The following NEK4 variants were observed in gnomAD, a reference collection of about 807,000 sequenced individuals.
NEK4 encodes the protein NIMA related kinase 4.
NEK4 carries 86 observed loss-of-function variants against 98.4 expected under a neutral mutation model. That is an observed-to-expected ratio of 0.87 (90% confidence interval 0.73 to 1.05). The LOEUF is 1.05. Among genes scored for constraint, NEK4 ranks in the 50% least tolerant of loss-of-function variants. The pLI, the probability that NEK4 is intolerant of heterozygous loss-of-function variation, is 0.00. For missense variants in NEK4, 898 were observed against 950.3 expected, an observed-to-expected ratio of 0.94 and a Z score of 0.72; for synonymous variants, 328 against 342.2, an observed-to-expected ratio of 0.96 and a Z score of 0.46.
chr3:52,746,073 C>T lies in NEK4; in HGVS notation c.1815G>A (p.Met605Ile), dbSNP rs756200197. 1.4e-5 allele frequency: 23 copies of T among 1,613,442 alleles called. No homozygotes were observed. Among genetic ancestry groups the T allele is most frequent in the African/African-American group, 2.7e-5 (2 of 74,918 alleles). Reference protein sequence around the residue: ...GSVSSSRSSEMSSSKDRPLSA... With the variant: ...GSVSSSRSSEISSSKDRPLSA... ...TGTTCCCACAAACCTTTGATGATGA[C>T]ATCTCACTGCTCCTTGAACTGCTCA... is the stretch of plus-strand genomic sequence containing the variant. Residue 605 changes from methionine (M) to isoleucine (I), a missense_variant, in exon 10 of 16, where the codon ATG (methionine) becomes ATA (isoleucine). Met to Ile is a conservative substitution (Grantham distance 10, BLOSUM62 1). Coordinates refer to ENST00000233027, the MANE Select transcript of NEK4 (RefSeq NM_003157.6).
Position 52,752,256 on chromosome 3 carries a change from G to A in NEK4, c.1044C>T (p.Thr348=). Residue 348 remains threonine (T), a synonymous_variant, in exon 7 of 16, where the codon ACC becomes ACT. Transcript: ENST00000233027. ...LKSPASLKAH[T]CKQDLSNTTE... The stretch of plus-strand genomic sequence containing the variant: ...TGGTATTGCTCAAGTCCTGTTTGCA[G>A]GTATGGGCTTTCAGACTGGCAGGTG... 5.0e-6 allele frequency: 8 copies of A among 1,614,176 alleles called. No individual in the cohort carries two copies. The highest frequency in any genetic ancestry group is 6.8e-6 in the Non-Finnish European group (8 of 1,180,032).
intron 15 of NEK4, 23 bp downstream of exon 15, chr3:52,737,563 G>A: frequency 6.2e-7 from 1 of 1,612,096 alleles, no homozygotes. Context: ...TAAGCATCTT[G>A]ATACAGTTAA....
At position 52,760,845 on chromosome 3, in the gene NEK4, C is replaced by G; in HGVS notation, c.913G>C (p.Val305Leu). Residue 305 changes from valine to leucine, a missense_variant, in exon 6 of 16, where the codon GTA (valine) becomes CTA (leucine). Physicochemically the swap from Val to Leu is conservative, Grantham distance 32. Transcript: ENST00000233027. ...GAAGAGAGTGGTTGGGGGTGGATTA[C>G]TTCATGATTTGATTCTGCCTCTCCA... is the stretch of plus-strand genomic sequence containing the variant. The part of the protein sequence containing the change: ...VSGEAESNHE[V>L]IHPQPLSSEG... 6.2e-7 allele frequency: 1 copy of G among 1,610,254 alleles called. No homozygotes were observed. The highest frequency in any genetic ancestry group is 8.5e-7 in the Non-Finnish European group (1 of 1,176,806).
At chr3:52,720,356 T>A (rs907243715) in intron 15 of NEK4, among the ~76,000 whole-genome samples, 2 of 151,440 alleles carry the variant, frequency 1.3e-5, no homozygotes, top group African/African-American at 4.9e-5. Context: ...AAAAAAAAAA[T>A]TTTAAGAAAT....
intron 15 of NEK4, among the ~76,000 whole-genome samples, chr3:52,725,001 C>T (rs189777523): frequency 7.9e-5 from 12 of 152,174 alleles, no homozygotes; most frequent in Admixed American, 7.2e-4. Context: ...TAAAGATAAA[C>T]AGATGGGCAA....
In NEK4 at chr3:52,731,871, G is replaced by A. The variant is rs561681818; in HGVS notation, c.2433+5715C>T. ...GTGTCGTGGGAGGGACCCGGCGGGA[G>A]GTAAGTGAATCATGGGGACGGGTTT... On this transcript the variant is annotated intron_variant, in intron 15 of 15. Transcript: ENST00000233027. Among the ~76,000 whole-genome samples, 7 of 152,338 alleles carry A rather than the reference G, an allele frequency of 4.6e-5. No individual in the cohort carries two copies. In the South Asian group the frequency reaches 1.4e-3, roughly 32 times the overall value.
intron 9 of NEK4, 36 bp downstream of exon 9, chr3:52,746,698 A>G (rs746349211): frequency 7.7e-6 from 12 of 1,561,174 alleles, no homozygotes; most frequent in East Asian, 6.8e-5. Flanking sequence ...TGAGTTTCCC[A>G]AAGTCCACCT....
intron 15 of NEK4, chr3:52,733,905 C>T (rs1036894372): frequency 3.5e-5 from 10 of 289,744 alleles, no homozygotes; most frequent in Admixed American, 9.0e-5. Context: ...TCATAGCTAA[C>T]ACAACATTGG....
At chr3:52,742,242 T>C (rs1363278670) in intron 12 of NEK4, among the ~76,000 whole-genome samples, 1 of 152,076 alleles carries the variant, frequency 6.6e-6, no homozygotes, top group African/African-American at 2.4e-5. Flanking sequence ...CTTTTTTTTT[T>C]TCTTTTTTTT....
Position 52,743,440 on chromosome 3 carries a change from G to A in NEK4, c.1916C>T (p.Ser639Phe). The A allele has an allele frequency of 6.2e-7, 1 of 1,614,080 alleles. No homozygotes were observed. The highest frequency in any genetic ancestry group is 8.5e-7 in the Non-Finnish European group (1 of 1,179,986). ...TTTTCCTGGCCCTGCTACACTCAGA[G>A]ACGCTTTCCTCACTGAAGGGCCTGA... is the stretch of plus-strand genomic sequence containing the variant. ...SSSGPSVRKA[S>F]LSVAGPGKPQ... The change falls in exon 12 of 16, where the codon TCT (serine) becomes TTT (phenylalanine). Residue 639 changes from serine (S) to phenylalanine (F), a missense_variant. Transcript: ENST00000233027.
rs542282428 is a variant in NEK4 at position 52,741,865 on chromosome 3, C to T, written c.2005-366G>A. ...CACGATCTCGGCTCACAGCAACTTC[C>T]GACTCTCTGGTTCAAGTGATTTTCC... On this transcript the variant is annotated intron_variant, in intron 12 of 15. Coordinates refer to ENST00000233027, the MANE Select transcript of NEK4 (RefSeq NM_003157.6). 1.1e-4 allele frequency among the ~76,000 whole-genome samples: 16 copies of T among 152,128 alleles called. No individual in the cohort carries two copies. The East Asian group carries it at 1.5e-3, about 15-fold the overall frequency.
intron 15 of NEK4, among the ~76,000 whole-genome samples, chr3:52,725,576 A>G (rs1288820677): frequency 6.6e-6 from 1 of 152,170 alleles, no homozygotes; most frequent in Non-Finnish European, 1.5e-5. Flanking sequence ...TTGTGACATC[A>G]ATAACTAGAA....
intron 15 of NEK4, among the ~76,000 whole-genome samples, chr3:52,730,575 G>C (rs1211345085): frequency 6.6e-6 from 1 of 152,128 alleles, no homozygotes; most frequent in African/African-American, 2.4e-5. Flanking sequence ...TTTCACCTCT[G>C]TTCATGAGAG....
Position 52,711,767 on chromosome 3 carries a change from G to A in NEK4, c.*10C>T, listed in dbSNP as rs990850853. The A allele has an allele frequency of 3.8e-6, 6 of 1,570,070 alleles. No individual in the cohort carries two copies. The African/African-American group carries it at 8.1e-5, about 21-fold the overall frequency. The stretch of plus-strand genomic sequence containing the variant: ...GGTCTTTAATTCTGGCAGCAGATTA[G>A]GACAAATGCTCAAAAATTCATGTTT... On this transcript the variant is annotated 3_prime_UTR_variant, in exon 16 of 16. Transcript: ENST00000233027.
intron 15 of NEK4, among the ~76,000 whole-genome samples, chr3:52,730,764 C>A (rs537157522): frequency 6.6e-6 from 1 of 152,142 alleles, no homozygotes; most frequent in East Asian, 1.9e-4. Flanking sequence ...AGCATCTGAG[C>A]ATGGAGCTTT....
chr3:52,733,894 T>C (rs947544670), intron 15 of NEK4: 2 of 298,136 alleles, frequency 6.7e-6, no homozygotes, highest in Admixed American at 8.8e-5. Context: ...TCAGTCGTAC[T>C]TCATAGCTAA....
chr3:52,712,014 T>G, intron 15 of NEK4, 145 bp from the exon 16 acceptor site: 1 of 487,690 alleles, frequency 2.1e-6, no homozygotes, highest in Non-Finnish European at 3.7e-6. Flanking sequence ...CATAAAACTT[T>G]TAAACTTCAA....
rs2097349202 is a variant in NEK4, at chr3:52,710,372, A to G, written c.*1405T>C. ...AGAGCAAGACTGTGTCTTAAAAAAA[A>G]AAAAAAATTGTTAAGTGGCTGTAAA... On this transcript the variant is annotated 3_prime_UTR_variant, in exon 16 of 16. Transcript: ENST00000233027. The G allele has an allele frequency of 6.6e-6, 1 of 152,092 alleles. No homozygotes were observed. The highest frequency in any genetic ancestry group is 2.1e-4 in the South Asian group (1 of 4,832). 9.4% of individuals were successfully genotyped at this position (152,092 alleles called of 1,614,324 possible). A position where few individuals can be genotyped will look rare whatever the true frequency, so the allele number is the denominator to read the frequency against.
At chr3:52,743,932 T>C (rs1417387927) in intron 11 of NEK4, among the ~76,000 whole-genome samples, 2 of 152,188 alleles carry the variant, frequency 1.3e-5, no homozygotes, top group African/African-American at 4.8e-5. Flanking sequence ...CAGTGGACAC[T>C]GGACATGGAA....
Sources: gnomAD v4.1 joint callset for allele counts (sites outside exome capture counted in the v4.1 genomes callset) on GRCh38, gnomAD v4.1.1 for gene constraint, MANE v1.5 for transcripts, NCBI Gene and HGNC (gene_info 2026-07-23, HGNC 2026-07-21) for gene names.